Variants in TRIM9 observed in about 807,000 individuals in gnomAD.
TRIM9 encodes the protein tripartite motif containing 9.
A neutral mutation model predicts 78.3 loss-of-function variants in TRIM9; 26 were observed. That is an observed-to-expected ratio of 0.33 (90% CI 0.24 to 0.46). The LOEUF is 0.46. Among genes scored for constraint, TRIM9 ranks in the 20% least tolerant of loss-of-function variants. The pLI is 1.00. For missense variants in TRIM9, 787 were observed against 1,036.4 expected (o/e 0.76, Z 3.30); for synonymous variants, 398 against 416.5 (o/e 0.96, Z 0.54).
chr14:51,077,654 A>G (rs1234729126), intron 1 of TRIM9, among the ~76,000 whole-genome samples: 8 of 152,120 alleles, frequency 5.3e-5, no homozygotes, highest in Admixed American at 5.2e-4. Context: ...TCGGCCTCCC[A>G]AAGTGCTGGG....
intron 6 of TRIM9, among the ~76,000 whole-genome samples, chr14:50,999,574 G>C (rs748264109): frequency 2.6e-5 from 4 of 152,140 alleles, no homozygotes; most frequent in Non-Finnish European, 5.9e-5. Context: ...AACCTAGTGG[G>C]GGATCAAAAA....
chr14:51,059,570 C>G (rs919268487), intron 1 of TRIM9, among the ~76,000 whole-genome samples: 4 of 152,130 alleles, frequency 2.6e-5, no homozygotes, highest in Non-Finnish European at 4.4e-5. Context: ...GAGGCTGAGG[C>G]AGGTGGATCA....
chr14:51,023,553 C>T (rs1020477852), intron 2 of TRIM9, among the ~76,000 whole-genome samples: 2 of 152,160 alleles, frequency 1.3e-5, no homozygotes, highest in African/African-American at 4.8e-5. Flanking sequence ...TATGACCCAA[C>T]ACCTTGCAGG....
chr14:50,998,565 A>G (rs933998328), intron 6 of TRIM9, among the ~76,000 whole-genome samples: 1 of 152,210 alleles, frequency 6.6e-6, no homozygotes, highest in Admixed American at 6.5e-5. Context: ...TTGGTACAGT[A>G]TATAGCCCCT....
At chr14:51,084,365 T>C (rs963189339) in intron 1 of TRIM9, among the ~76,000 whole-genome samples, 1 of 152,218 alleles carries the variant, frequency 6.6e-6, no homozygotes, top group Non-Finnish European at 1.5e-5. Flanking sequence ...TTCTATTTAA[T>C]ACTGAATAAT....
chr14:51,002,809 C>T (rs943687625), intron 5 of TRIM9, among the ~76,000 whole-genome samples: 1 of 152,172 alleles, frequency 6.6e-6, no homozygotes, highest in South Asian at 2.1e-4. Context: ...TGAGACATTA[C>T]AATAAAACCA....
At chr14:51,064,755 A>G (rs1238489287) in intron 1 of TRIM9, among the ~76,000 whole-genome samples, 2 of 152,106 alleles carry the variant, frequency 1.3e-5, no homozygotes, top group East Asian at 3.8e-4. Flanking sequence ...AACAGCCTAG[A>G]TTTTAGAAAG....
At chr14:51,044,809 G>A (rs1292403710) in intron 1 of TRIM9, among the ~76,000 whole-genome samples, 1 of 152,146 alleles carries the variant, frequency 6.6e-6, no homozygotes, top group Admixed American at 6.5e-5. Context: ...TGAATGAGAT[G>A]GGCTAGATAA....
At chr14:51,053,593 T>A (rs866779054) in intron 1 of TRIM9, among the ~76,000 whole-genome samples, 3,282 of 114,972 alleles carry the variant, frequency 0.029, 69 homozygotes, top group Middle Eastern at 0.063. Flanking sequence ...TTTTTTTTTT[T>A]AATTTTTTTT....
At position 51,046,227 on chromosome 14, in the gene TRIM9, G is replaced by A. The variant is rs991315661; in HGVS notation, c.823-20867C>T. On this transcript the variant is annotated intron_variant, in intron 1 of 12. Transcript: ENST00000684578. The stretch of plus-strand genomic sequence containing the variant: ...GTAGGTGTGGTTACAATAGGGCAAC[G>A]CAAGGGACACTTGTGGGGCTGGACC... Among the ~76,000 whole-genome samples the A allele has an allele frequency of 5.3e-5, 8 of 152,220 alleles. No individual in the cohort carries two copies. In the South Asian group the frequency reaches 1.4e-3, roughly 28 times the overall value.
At chr14:50,978,738 T>C (rs1166720209) in intron 12 of TRIM9, 2 of 260,024 alleles carry the variant, frequency 7.7e-6, no homozygotes, top group Non-Finnish European at 1.2e-5. Context: ...GTAAGTTCTA[T>C]GAAGGCAAGA....
chr14:51,062,822 TAAGC>T (rs2061450698), intron 1 of TRIM9, among the ~76,000 whole-genome samples: 1 of 152,126 alleles, frequency 6.6e-6, no homozygotes, highest in African/African-American at 2.4e-5. Flanking sequence ...GTAAAATAAA[TAAGC>T]AGAGATATCT....
At chr14:51,065,922 G>T (rs2061691103) in intron 1 of TRIM9, among the ~76,000 whole-genome samples, 1 of 151,992 alleles carries the variant, frequency 6.6e-6, no homozygotes, top group Non-Finnish European at 1.5e-5. Context: ...GAAGGGTAAA[G>T]AATTTTGAAT....
intron 2 of TRIM9, 148 bp downstream of exon 2, chr14:51,025,117 C>T: frequency 1.4e-6 from 1 of 726,144 alleles, no homozygotes; most frequent in Non-Finnish European, 2.3e-6. Context: ...AAGTTGATCT[C>T]TATGTGTTTG....
chr14:51,079,646 T>C (rs1290849789), intron 1 of TRIM9, among the ~76,000 whole-genome samples: 2 of 152,174 alleles, frequency 1.3e-5, no homozygotes, highest in African/African-American at 4.8e-5. Flanking sequence ...ACACATGAGG[T>C]ATAATTCAAG....
Position 50,979,459 on chromosome 14 carries a change from T to C in TRIM9, c.2253A>G (p.Gln751=), listed in dbSNP as rs2139278428. The change falls in exon 12 of 13, where the codon CAA becomes CAG. Residue 751 remains glutamine, a synonymous_variant. Transcript: ENST00000684578. ...KNLTFFINDE[Q]QGPIAFDNVE... ...CGTTATCAAATGCTATGGGACCTTG[T>C]TGTTCATCGTTGATAAAAAATGTCA... The C allele has an allele frequency of 6.2e-7, 1 of 1,614,214 alleles. No individual in the cohort carries two copies. The highest frequency in any genetic ancestry group is 8.5e-7 in the Non-Finnish European group (1 of 1,180,046).
At chr14:51,000,932 T>A in intron 5 of TRIM9, 92 bp from the exon 6 acceptor site, 1 of 1,492,164 alleles carries the variant, frequency 6.7e-7, no homozygotes, top group African/African-American at 1.4e-5. Context: ...AAACACGTGG[T>A]TAGAAGTAGC....
chr14:51,071,105 C>T (rs1450162769), intron 1 of TRIM9, among the ~76,000 whole-genome samples: 1 of 152,024 alleles, frequency 6.6e-6, no homozygotes, highest in Non-Finnish European at 1.5e-5. Flanking sequence ...GGCGGCCAGG[C>T]ACAGGGCTCA....
intron 1 of TRIM9, among the ~76,000 whole-genome samples, chr14:51,065,041 T>A (rs1192418647): frequency 6.6e-6 from 1 of 152,114 alleles, no homozygotes; most frequent in African/African-American, 2.4e-5. Context: ...ACCTAGGGAA[T>A]CAAGAAGTTA....
Sources: allele counts gnomAD v4.1 joint callset (sites outside exome capture counted in the v4.1 genomes callset), GRCh38; gene constraint gnomAD v4.1.1; transcripts MANE v1.5; gene names NCBI Gene and HGNC (gene_info 2026-07-23, HGNC 2026-07-21).